Variants in DENND1B observed in about 807,000 individuals in gnomAD.
DENND1B encodes the protein DENN domain containing 1B.
In DENND1B, 59 loss-of-function variants were observed where a neutral mutation model predicts 90.1. The observed-to-expected ratio is 0.65, with a 90% CI of 0.53 to 0.81. DENND1B has a LOEUF of 0.81. Ranked by LOEUF, DENND1B falls within the 40% of genes least tolerant of loss-of-function variation. DENND1B has a pLI of 0.00. For missense variants in DENND1B, 862 were observed against 912.6 expected (o/e 0.94, Z 0.71); for synonymous variants, 337 against 324.6 (o/e 1.04, Z -0.41).
At chr1:197,591,924 C>T (rs540438635) in intron 14 of DENND1B, among the ~76,000 whole-genome samples, 16 of 151,864 alleles carry the variant, frequency 1.1e-4, no homozygotes, top group East Asian at 1.9e-4. Context: ...TCCTGGCTAA[C>T]GCGGCAAAAC....
chr1:197,557,381 G>A (rs1389122195), intron 15 of DENND1B, among the ~76,000 whole-genome samples: 1 of 151,860 alleles, frequency 6.6e-6, no homozygotes, highest in Non-Finnish European at 1.5e-5. Flanking sequence ...GTGTTTACTG[G>A]AAATAATCCA....
chr1:197,529,418 A>G (rs2125632991), intron 20 of DENND1B, among the ~76,000 whole-genome samples: 1 of 151,156 alleles, frequency 6.6e-6, no homozygotes, highest in East Asian at 1.9e-4. Context: ...CAGGGTTTTA[A>G]TAGGGCTTAA....
intron 20 of DENND1B, among the ~76,000 whole-genome samples, chr1:197,515,776 C>T (rs1488027766): frequency 6.6e-6 from 1 of 151,730 alleles, no homozygotes; most frequent in Non-Finnish European, 1.5e-5. Flanking sequence ...CTAATGGACC[C>T]TACAATAAAT....
intron 2 of DENND1B, among the ~76,000 whole-genome samples, chr1:197,766,394 T>C (rs1655702384): frequency 6.6e-6 from 1 of 152,246 alleles, no homozygotes; most frequent in African/African-American, 2.4e-5. Context: ...TTTTTCCATG[T>C]TGGACAATAA....
intron 15 of DENND1B, among the ~76,000 whole-genome samples, chr1:197,554,284 C>T (rs1671512430): frequency 1.3e-5 from 2 of 152,058 alleles, no homozygotes; most frequent in South Asian, 4.1e-4. Flanking sequence ...CAGGGGATAA[C>T]ATAGGAAAGA....
At chr1:197,703,540 T>C (rs1011669198) in intron 3 of DENND1B, among the ~76,000 whole-genome samples, 2 of 152,164 alleles carry the variant, frequency 1.3e-5, no homozygotes, top group East Asian at 1.9e-4. Context: ...TTACTTTTCA[T>C]CATCATCATT....
At chr1:197,677,225 TAC>T (rs1656172933) in intron 3 of DENND1B, among the ~76,000 whole-genome samples, 1 of 152,152 alleles carries the variant, frequency 6.6e-6, no homozygotes, top group Non-Finnish European at 1.5e-5. Context: ...TTCTCTTCCC[TAC>T]TCAGTAAGAT....
At chr1:197,655,005 G>C (rs1465752385) in intron 6 of DENND1B, among the ~76,000 whole-genome samples, 1 of 152,080 alleles carries the variant, frequency 6.6e-6, no homozygotes, top group East Asian at 1.9e-4. Flanking sequence ...AGGATATTTT[G>C]CTCCAGACTC....
At chr1:197,720,694 C>T (rs1276081755) in intron 2 of DENND1B, among the ~76,000 whole-genome samples, 1 of 152,084 alleles carries the variant, frequency 6.6e-6, no homozygotes, top group East Asian at 1.9e-4. Flanking sequence ...CGGCAAAACA[C>T]AGATTTACTG....
At chr1:197,538,956 A>G (rs925393159) in intron 20 of DENND1B, among the ~76,000 whole-genome samples, 1 of 152,108 alleles carries the variant, frequency 6.6e-6, no homozygotes, top group African/African-American at 2.4e-5. Flanking sequence ...GAAGGGCCTC[A>G]TAAGGTGCCA....
At chr1:197,762,084 T>C (rs1406228096) in intron 2 of DENND1B, 1 of 152,116 alleles carries the variant, frequency 6.6e-6, no homozygotes, top group Non-Finnish European at 1.5e-5. Context: ...ATATAACTTA[T>C]AGCAAGTAAT....
chr1:197,772,782 G>T, intron 2 of DENND1B, 86 bp downstream of exon 2: 1 of 1,181,318 alleles, frequency 8.5e-7, no homozygotes, highest in Non-Finnish European at 1.2e-6. Flanking sequence ...CCCTGATCAT[G>T]CCACTGCACA....
At chr1:197,663,516 T>C (rs1034620344) in intron 5 of DENND1B, among the ~76,000 whole-genome samples, 1 of 152,106 alleles carries the variant, frequency 6.6e-6, no homozygotes, top group African/African-American at 2.4e-5. Context: ...AGGGCATATT[T>C]TGTTTGGTCA....
At chr1:197,722,431 C>T (rs1392461307) in intron 2 of DENND1B, among the ~76,000 whole-genome samples, 1 of 152,030 alleles carries the variant, frequency 6.6e-6, no homozygotes, top group African/African-American at 2.4e-5. Context: ...CTTGGTTGAT[C>T]TTTGATTTTA....
At chr1:197,595,585 TA>T (rs1394157800) in intron 13 of DENND1B, among the ~76,000 whole-genome samples, 1 of 152,106 alleles carries the variant, frequency 6.6e-6, no homozygotes, top group Non-Finnish European at 1.5e-5. Context: ...TTGACATAAA[TA>T]AGCTTTAATT....
chr1:197,627,473 C>G (rs1678875437), intron 10 of DENND1B, among the ~76,000 whole-genome samples: 1 of 152,112 alleles, frequency 6.6e-6, no homozygotes, highest in Non-Finnish European at 1.5e-5. Flanking sequence ...TGACAAAATT[C>G]AAGAACACTT....
chr1:197,576,907 G>A lies in DENND1B; in HGVS notation c.1149+6245C>T, dbSNP rs141823586. Among the ~76,000 whole-genome samples the A allele has an allele frequency of 5.8e-4, 88 of 152,262 alleles. No individual in the cohort carries two copies. In the East Asian group the frequency reaches 0.016, roughly 28 times the overall value. ...ATTTTGAATATCTATTTAAATATAT[G>A]TGAGTTCCTTCACTATTAAATAAGT... On this transcript the variant is annotated intron_variant, in intron 15 of 22. Transcript: ENST00000620048.
At chr1:197,645,303 A>G (rs555973612) in intron 9 of DENND1B, among the ~76,000 whole-genome samples, 76 of 152,218 alleles carry the variant, frequency 5.0e-4, no homozygotes, top group African/African-American at 1.6e-3. Context: ...GATTTGTGTG[A>G]AGACATTTCC....
intron 2 of DENND1B, among the ~76,000 whole-genome samples, chr1:197,762,757 G>C (rs930072573): frequency 6.6e-6 from 1 of 151,696 alleles, no homozygotes; most frequent in Admixed American, 6.6e-5. Flanking sequence ...CTGTGTATCC[G>C]AGCATTTAAA....
Sources: allele counts gnomAD v4.1 joint callset (sites outside exome capture counted in the v4.1 genomes callset), GRCh38; gene constraint gnomAD v4.1.1; transcripts MANE v1.5; gene names NCBI Gene and HGNC (gene_info 2026-07-23, HGNC 2026-07-21).